The following DNAH8 variants were observed in gnomAD, a reference collection of about 807,000 sequenced individuals.
The protein encoded by DNAH8 is dynein axonemal heavy chain 8, also known as axonemal beta dynein heavy chain 8.
Under a neutral mutation model 562.1 loss-of-function variants are expected in DNAH8, and 382 were observed. The observed-to-expected ratio is 0.68, with a 90% confidence interval of 0.63 to 0.74. DNAH8 has a LOEUF of 0.74. Ranked by LOEUF, DNAH8 falls within the 30% of genes least tolerant of loss-of-function variation. The probability of loss-of-function intolerance (pLI) is 0.00; values close to 1 mark genes in which losing one functional copy is unlikely to be tolerated. For missense variants in DNAH8, 5,203 were observed against 5,620.4 expected (o/e 0.93, Z 2.37); for synonymous variants, 1,881 against 1,919.4 (o/e 0.98, Z 0.52).
At chr6:38,958,149 C>T (rs1236929304) in intron 82 of DNAH8, among the ~76,000 whole-genome samples, 1 of 150,370 alleles carries the variant, frequency 6.7e-6, no homozygotes, top group South Asian at 2.1e-4. Context: ...CTGCAGGTGC[C>T]AGCCACCACG....
chr6:38,831,886 A>T lies in DNAH8; in HGVS notation c.4189-436A>T, dbSNP rs1235254208. On this transcript the variant is annotated intron_variant, in intron 30 of 92. Transcript: ENST00000327475. ...GAAGGTTTAAGCAGAGTATTTCAGG[A>T]CCATTGTGTAGGGTATTTGCTATTT... Among the ~76,000 whole-genome samples, 2 of 150,810 alleles carry T rather than the reference A, an allele frequency of 1.3e-5. 1 individual carries two copies. The highest frequency in any genetic ancestry group is 6.3e-3 in the Middle Eastern group (2 of 316).
chr6:38,798,047 C>T (rs1050591294), intron 21 of DNAH8, among the ~76,000 whole-genome samples: 3 of 151,554 alleles, frequency 2.0e-5, no homozygotes, highest in Admixed American at 1.3e-4. Flanking sequence ...CCACTCCAGC[C>T]TGGGCCACAG....
chr6:38,894,054 G>A (rs1161490141), intron 58 of DNAH8, among the ~76,000 whole-genome samples: 1 of 152,152 alleles, frequency 6.6e-6, no homozygotes, highest in East Asian at 1.9e-4. Flanking sequence ...TACAGTCTTT[G>A]TGCTCAAACA....
chr6:38,902,421 A>C (rs903720537), intron 62 of DNAH8, among the ~76,000 whole-genome samples: 1 of 151,976 alleles, frequency 6.6e-6, no homozygotes, highest in African/African-American at 2.4e-5. Flanking sequence ...ACAAGGGACC[A>C]CTCCTATGCC....
At chr6:38,863,221 C>T (rs921412466) in intron 44 of DNAH8, among the ~76,000 whole-genome samples, 10 of 93,806 alleles carry the variant, frequency 1.1e-4, no homozygotes, top group Admixed American at 1.3e-4. Context: ...ATCATGAGGT[C>T]GGGAGTTCAA....
intron 48 of DNAH8, among the ~76,000 whole-genome samples, chr6:38,868,675 A>ATT (rs11398061): frequency 2.2e-4 from 32 of 146,800 alleles, no homozygotes; most frequent in South Asian, 4.3e-4. Context: ...TTACAGCCTG[A>ATT]TTTTTTTTTT....
intron 26 of DNAH8, chr6:38,822,178 G>T (rs1169267273): frequency 1.3e-5 from 2 of 150,886 alleles, no homozygotes; most frequent in Non-Finnish European, 2.9e-5. Context: ...TCTTCAACCA[G>T]TTTATTTTAG....
At chr6:38,874,074 T>TTCTTTCTTTC (rs1777733330) in intron 52 of DNAH8, among the ~76,000 whole-genome samples, 1 of 100,576 alleles carries the variant, frequency 9.9e-6, no homozygotes, top group African/African-American at 3.5e-5. Context: ...TTCTTTTTCT[T>TTCTTTCTTTC]TCTTTCTTTC....
Position 38,863,996 on chromosome 6 carries a change from A to G in DNAH8, c.6434A>G (p.Gln2145Arg), listed in dbSNP as rs780541458. ...VLTARKERKKQFIFSDGDCVD... is the reference protein window; with the variant it reads ...VLTARKERKKRFIFSDGDCVD... ...ACAGCAAGAAAAGAAAGAAAGAAAC[A>G]GTTCATTTTTTCTGATGGTGATTGT... Residue 2145 changes from glutamine to arginine, a missense_variant, in exon 45 of 93, where the codon CAG (glutamine) becomes CGG (arginine). Gln to Arg is a conservative substitution (Grantham distance 43). This residue lies in a region of DNAH8 where 2,176 missense variants were observed against 2,365.1 expected (regional missense o/e 0.92). Transcript: ENST00000327475. The G allele has an allele frequency of 6.5e-5, 105 of 1,611,472 alleles. No homozygotes were observed. The highest frequency in any genetic ancestry group is 5.0e-4 in the Middle Eastern group (3 of 6,054).
intron 82 of DNAH8, among the ~76,000 whole-genome samples, chr6:38,956,502 G>A (rs959239734): frequency 2.0e-5 from 3 of 152,032 alleles, no homozygotes; most frequent in Non-Finnish European, 2.9e-5. Flanking sequence ...TCTGCCCCAC[G>A]TCAAGTCCTG....
chr6:38,879,004 T>A (rs1353801670), intron 53 of DNAH8, among the ~76,000 whole-genome samples: 2 of 152,152 alleles, frequency 1.3e-5, no homozygotes, highest in Non-Finnish European at 2.9e-5. Flanking sequence ...TATACAATTG[T>A]AAATTGTCAA....
intron 85 of DNAH8, among the ~76,000 whole-genome samples, chr6:38,981,434 A>G (rs1269968361): frequency 1.3e-5 from 2 of 152,210 alleles, no homozygotes; most frequent in Admixed American, 6.5e-5. Context: ...TGATTTGACA[A>G]TTGTAAACAG....
intron 88 of DNAH8, among the ~76,000 whole-genome samples, chr6:38,995,804 T>C (rs1287977084): frequency 1.3e-5 from 2 of 152,236 alleles, no homozygotes; most frequent in African/African-American, 4.8e-5. Flanking sequence ...GTCTGAAATC[T>C]GATGACAACT....
At position 38,917,456 on chromosome 6, in the gene DNAH8, C is replaced by T. The variant is rs779519158; in HGVS notation, c.10308+50C>T. 9.6e-6 allele frequency: 14 copies of T among 1,465,738 alleles called. No individual in the cohort carries two copies. In the South Asian group the frequency reaches 1.6e-4, roughly 17 times the overall value. 90.8% of individuals were successfully genotyped at this position (1,465,738 alleles called of 1,614,324 possible). On this transcript the variant is annotated intron_variant, in intron 69 of 92. Transcript: ENST00000327475. ...TCCTATGAGCTGCATCAGGCGTCCT[C>T]AGCCCAGGACACTCAATATAGACCA...
At chr6:38,801,927 C>T (rs1770809876) in intron 21 of DNAH8, among the ~76,000 whole-genome samples, 1 of 151,122 alleles carries the variant, frequency 6.6e-6, no homozygotes, top group African/African-American at 2.4e-5. Flanking sequence ...TCTTGAAGGC[C>T]CAAAGTGGCT....
intron 62 of DNAH8, among the ~76,000 whole-genome samples, chr6:38,903,870 A>G (rs910266524): frequency 3.3e-5 from 5 of 152,082 alleles, no homozygotes; most frequent in African/African-American, 1.2e-4. Flanking sequence ...TCAGCCTCCC[A>G]AAGTGCTGGG....
chr6:38,926,082 C>T lies in DNAH8; in HGVS notation c.10990C>T (p.Pro3664Ser). The change falls in exon 74 of 93, where the codon CCA (proline) becomes TCA (serine). Residue 3664 changes from proline (P) to serine (S), a missense_variant. Transcript: ENST00000327475. Reference protein sequence around the residue: ...TIGEWGLQGLPGDDLSIQNGI... With the variant: ...TIGEWGLQGLSGDDLSIQNGI... ...TGGTGAGTGGGGGCTACAGGGATTA[C>T]CAGGAGATGATCTCTCAATTCAGAA... The T allele has an allele frequency of 6.2e-7, 1 of 1,613,542 alleles. No homozygotes were observed. The highest frequency in any genetic ancestry group is 1.7e-5 in the Admixed American group (1 of 59,972).
At chr6:38,739,001 A>G (rs1339043372) in intron 7 of DNAH8, among the ~76,000 whole-genome samples, 1 of 152,184 alleles carries the variant, frequency 6.6e-6, no homozygotes, top group Non-Finnish European at 1.5e-5. Flanking sequence ...CCTAAATACT[A>G]TTGAGGTTGA....
intron 88 of DNAH8, among the ~76,000 whole-genome samples, chr6:39,004,272 T>C (rs1765662582): frequency 6.7e-6 from 1 of 150,144 alleles, no homozygotes; most frequent in Admixed American, 6.7e-5. Context: ...TTAGATAACT[T>C]TAGCTACAGT....
Sources: allele counts gnomAD v4.1 joint callset (sites outside exome capture counted in the v4.1 genomes callset), GRCh38; gene constraint gnomAD v4.1.1; regional missense constraint gnomAD v4.1.1; transcripts MANE v1.5; gene names NCBI Gene and HGNC (gene_info 2026-07-23, HGNC 2026-07-21).